The following RNF180 variants were observed in gnomAD, a reference collection of about 807,000 sequenced individuals.
RNF180 encodes the protein ring finger protein 180.
Under a neutral mutation model 59.2 loss-of-function variants are expected in RNF180, and 38 were observed. That is an observed-to-expected ratio of 0.64 (90% CI 0.50 to 0.84). The LOEUF (loss-of-function observed/expected upper bound fraction) is 0.84. RNF180 is among the 40% of genes least tolerant of loss of function. RNF180 has a pLI of 0.00. For synonymous variants in RNF180, 262 were observed against 240.3 expected, an observed-to-expected ratio of 1.09 and a Z score of -0.84; for missense variants, 705 against 700.9, an observed-to-expected ratio of 1.01 and a Z score of -0.07.
chr5:64,189,329 C>A (rs904083194), intron 1 of RNF180, among the ~76,000 whole-genome samples: 1 of 152,032 alleles, frequency 6.6e-6, no homozygotes, highest in African/African-American at 2.4e-5. Flanking sequence ...GTTTTGATGC[C>A]TCTGTTAGAA....
In RNF180 at chr5:64,330,384, A is replaced by T; in HGVS notation, c.1557A>T (p.Arg519Ser). The T allele has an allele frequency of 6.5e-7, 1 of 1,537,872 alleles. No homozygotes were observed. Among genetic ancestry groups the T allele is most frequent in the Non-Finnish European group, 8.7e-7 (1 of 1,143,976 alleles). The change falls in exon 7 of 8, where the codon AGA becomes AGT. Residue 519 changes from arginine (R) to serine (S), a missense_variant. Coordinates refer to ENST00000389100, the MANE Select transcript of RNF180 (RefSeq NM_001113561.2). ...CAAAATGGCCCCTACCAAGCTGCAG[A>T]AAAGCATTTCATCTTTTTGGAGGTA... Reference protein sequence around the residue: ...NSAKWPLPSCRKAFHLFGGFR... With the variant: ...NSAKWPLPSCSKAFHLFGGFR...
intron 5 of RNF180, among the ~76,000 whole-genome samples, chr5:64,268,635 T>G (rs1038353479): frequency 6.6e-6 from 1 of 152,188 alleles, no homozygotes; most frequent in Non-Finnish European, 1.5e-5. Flanking sequence ...TTTGAATCTT[T>G]CAACTTTTAA....
At chr5:64,235,143 G>T (rs1281846082) in intron 5 of RNF180, among the ~76,000 whole-genome samples, 2 of 152,056 alleles carry the variant, frequency 1.3e-5, no homozygotes, top group African/African-American at 2.4e-5. Flanking sequence ...AATTAGCTGG[G>T]CATGTTGGCC....
chr5:64,345,987 A>ATCT (rs35590919), intron 7 of RNF180, among the ~76,000 whole-genome samples: 67,516 of 151,226 alleles, frequency 0.45, 16,360 homozygotes, highest in African/African-American at 0.65. Flanking sequence ...GCAATCATTG[A>ATCT]TTTTTTTTTA....
intron 5 of RNF180, among the ~76,000 whole-genome samples, chr5:64,283,283 A>G (rs1023809592): frequency 1.3e-5 from 2 of 151,786 alleles, no homozygotes; most frequent in Non-Finnish European, 2.9e-5. Flanking sequence ...GTTGGTTTAA[A>G]GTTTGTTTTA....
At chr5:64,271,640 C>T (rs1022702341) in intron 5 of RNF180, among the ~76,000 whole-genome samples, 5 of 151,974 alleles carry the variant, frequency 3.3e-5, no homozygotes, top group African/African-American at 1.2e-4. Flanking sequence ...TGAGAATACA[C>T]CCCACAGTGG....
chr5:64,189,986 A>G (rs1274109772), intron 1 of RNF180, among the ~76,000 whole-genome samples: 1 of 152,216 alleles, frequency 6.6e-6, no homozygotes, highest in Admixed American at 6.5e-5. Context: ...ATGCCTCCAC[A>G]GGCCCAGAGC....
chr5:64,263,319 G>A (rs1259134225), intron 5 of RNF180, among the ~76,000 whole-genome samples: 9 of 152,054 alleles, frequency 5.9e-5, no homozygotes, highest in East Asian at 1.9e-4. Context: ...AACACTTGCC[G>A]GTCTCCATGG....
chr5:64,322,640 T>TAA (rs1252798714), intron 5 of RNF180, among the ~76,000 whole-genome samples: 3 of 150,864 alleles, frequency 2.0e-5, no homozygotes, highest in Admixed American at 2.0e-4. Flanking sequence ...TGTGTGTGTA[T>TAA]AACGGAATAC....
intron 5 of RNF180, among the ~76,000 whole-genome samples, chr5:64,300,753 G>A (rs187473065): frequency 5.9e-4 from 90 of 151,880 alleles, no homozygotes; most frequent in African/African-American, 2.1e-3. Flanking sequence ...ACAGCTAAGG[G>A]AGAGATGCTT....
chr5:64,329,054 C>T (rs939247789), intron 6 of RNF180, among the ~76,000 whole-genome samples: 5 of 152,164 alleles, frequency 3.3e-5, no homozygotes, highest in South Asian at 2.1e-4. Flanking sequence ...GTACTTCAAA[C>T]GACTATATCC....
At chr5:64,332,086 C>T (rs1183762396) in intron 7 of RNF180, among the ~76,000 whole-genome samples, 1 of 152,142 alleles carries the variant, frequency 6.6e-6, no homozygotes, top group African/African-American at 2.4e-5. Flanking sequence ...CCATTCTGCA[C>T]CTGGCTTGCA....
At chr5:64,357,641 T>C (rs918882265) in intron 7 of RNF180, among the ~76,000 whole-genome samples, 2 of 151,746 alleles carry the variant, frequency 1.3e-5, no homozygotes, top group East Asian at 2.0e-4. Context: ...CAAAAACATA[T>C]ATTGAATGTC....
chr5:64,320,906 C>T (rs550200286), intron 5 of RNF180, among the ~76,000 whole-genome samples: 16 of 152,072 alleles, frequency 1.1e-4, no homozygotes, highest in Admixed American at 3.9e-4. Context: ...GGCGAGGTGG[C>T]GGGCACCTGT....
chr5:64,311,109 G>A (rs950883641), intron 5 of RNF180, among the ~76,000 whole-genome samples: 4 of 151,786 alleles, frequency 2.6e-5, no homozygotes, highest in African/African-American at 9.7e-5. Context: ...AAACTCTTTA[G>A]GAGGCCTAGG....
chr5:64,262,953 C>A (rs2112324044), intron 5 of RNF180, among the ~76,000 whole-genome samples: 1 of 152,228 alleles, frequency 6.6e-6, no homozygotes, highest in Admixed American at 6.6e-5. Context: ...TTCAAATATC[C>A]TGTTCTCTAG....
chr5:64,329,290 TCCAC>T (rs1251978092), intron 6 of RNF180, among the ~76,000 whole-genome samples: 1 of 152,172 alleles, frequency 6.6e-6, no homozygotes, highest in Non-Finnish European at 1.5e-5. Flanking sequence ...TCCTTTTTTG[TCCAC>T]CTGTTTATTT....
chr5:64,289,737 T>C (rs780868103), intron 5 of RNF180, among the ~76,000 whole-genome samples: 3 of 152,214 alleles, frequency 2.0e-5, no homozygotes, highest in Non-Finnish European at 4.4e-5. Flanking sequence ...AGTGGTCATA[T>C]CTCCCTTATC....
intron 5 of RNF180, among the ~76,000 whole-genome samples, chr5:64,248,130 C>T (rs761411664): frequency 4.6e-5 from 7 of 152,072 alleles, no homozygotes; most frequent in Non-Finnish European, 1.0e-4. Flanking sequence ...AAGGCCTAAA[C>T]GTAAGACCTA....
Sources: gnomAD v4.1 joint callset for allele counts (sites outside exome capture counted in the v4.1 genomes callset) on GRCh38, gnomAD v4.1.1 for gene constraint, MANE v1.5 for transcripts, NCBI Gene and HGNC (gene_info 2026-07-23, HGNC 2026-07-21) for gene names.